The following TULP4 variants were observed in gnomAD, a reference collection of about 807,000 sequenced individuals.
TULP4 encodes TUB like protein 4, also known as tubby-related protein 4.
Under a neutral mutation model 129.0 loss-of-function variants are expected in TULP4, and 16 were observed. The observed-to-expected ratio is 0.12, with a 90% confidence interval of 0.08 to 0.19. The LOEUF is 0.19. Among genes scored for constraint, TULP4 ranks in the 10% least tolerant of loss-of-function variants. The pLI is 1.00. For missense variants in TULP4, 1,842 were observed against 2,059.1 expected (o/e 0.89, Z 2.04); for synonymous variants, 998 against 854.0 (o/e 1.17, Z -2.94).
intron 2 of TULP4, among the ~76,000 whole-genome samples, chr6:158,415,004 T>C (rs1209288056): frequency 6.6e-6 from 1 of 152,252 alleles, no homozygotes. Flanking sequence ...TCCACCACAC[T>C]GTCATGTTCC....
At chr6:158,284,190 G>A (rs1778802155) in intron 1 of TULP4, among the ~76,000 whole-genome samples, 1 of 152,166 alleles carries the variant, frequency 6.6e-6, no homozygotes, top group South Asian at 2.1e-4. Flanking sequence ...TGAAGGCCGG[G>A]GCCTGGGACT....
intron 5 of TULP4, among the ~76,000 whole-genome samples, chr6:158,461,191 C>T (rs140771866): frequency 0.01 from 1,554 of 152,306 alleles, 12 homozygotes; most frequent in Non-Finnish European, 0.014. Context: ...GCGGGCAGAT[C>T]ACCTGAGGTC....
chr6:158,258,240 G>T (rs1018239612), intron 1 of TULP4, among the ~76,000 whole-genome samples: 2 of 152,018 alleles, frequency 1.3e-5, no homozygotes, highest in Admixed American at 6.5e-5. Flanking sequence ...CTGCATGGAT[G>T]GGGCCAGGAG....
At chr6:158,474,403 G>A (rs1335464919) in intron 6 of TULP4, among the ~76,000 whole-genome samples, 1 of 152,208 alleles carries the variant, frequency 6.6e-6, no homozygotes, top group Non-Finnish European at 1.5e-5. Context: ...GACCAGTATA[G>A]TTGGTTTTTG....
chr6:158,402,458 A>G (rs1777875645), intron 1 of TULP4, among the ~76,000 whole-genome samples: 1 of 152,232 alleles, frequency 6.6e-6, no homozygotes, highest in South Asian at 2.1e-4. Flanking sequence ...TTACTGTTAC[A>G]AAATTATTTG....
chr6:158,295,909 T>TG (rs1171908493), intron 1 of TULP4, among the ~76,000 whole-genome samples: 1 of 152,054 alleles, frequency 6.6e-6, no homozygotes, highest in Non-Finnish European at 1.5e-5. Flanking sequence ...AAAAGAAATA[T>TG]GGCCAGCATA....
chr6:158,426,000 T>TA (rs1778481644), intron 2 of TULP4, among the ~76,000 whole-genome samples: 2 of 152,274 alleles, frequency 1.3e-5, no homozygotes, highest in Non-Finnish European at 2.9e-5. Flanking sequence ...CCTTTTTAAA[T>TA]ATGCTTGTTG....
At chr6:158,430,621 G>A (rs762608947) in intron 3 of TULP4, among the ~76,000 whole-genome samples, 5 of 152,076 alleles carry the variant, frequency 3.3e-5, no homozygotes, top group African/African-American at 7.2e-5. Flanking sequence ...GATGGCGGGC[G>A]CCTGTAATGC....
chr6:158,347,982 T>C (rs1780351361), intron 1 of TULP4, among the ~76,000 whole-genome samples: 1 of 152,062 alleles, frequency 6.6e-6, no homozygotes, highest in Admixed American at 6.6e-5. Flanking sequence ...CCTGGGTTTT[T>C]TTTTTCTTGA....
At chr6:158,321,943 C>T (rs1042379823) in intron 1 of TULP4, among the ~76,000 whole-genome samples, 1 of 152,054 alleles carries the variant, frequency 6.6e-6, no homozygotes, top group Non-Finnish European at 1.5e-5. Flanking sequence ...AATGGTCTCC[C>T]TTGCAGTTGA....
At chr6:158,430,100 G>C (rs1273100397) in intron 3 of TULP4, among the ~76,000 whole-genome samples, 1 of 152,100 alleles carries the variant, frequency 6.6e-6, no homozygotes, top group East Asian at 1.9e-4. Context: ...CACCAATATG[G>C]TAACATTAAG....
At chr6:158,336,296 A>G (rs1780031850) in intron 1 of TULP4, among the ~76,000 whole-genome samples, 1 of 152,234 alleles carries the variant, frequency 6.6e-6, no homozygotes, top group South Asian at 2.1e-4. Context: ...TTCAAATTGT[A>G]AAATGTCTAT....
At chr6:158,491,974 T>G (rs151007848) in intron 9 of TULP4, among the ~76,000 whole-genome samples, 127 of 152,276 alleles carry the variant, frequency 8.3e-4, no homozygotes, top group African/African-American at 2.8e-3. Context: ...CTCTCCTGCT[T>G]CAGCCTCCTG....
At chr6:158,404,947 A>T (rs1168662303) in intron 1 of TULP4, among the ~76,000 whole-genome samples, 1 of 152,078 alleles carries the variant, frequency 6.6e-6, no homozygotes, top group Non-Finnish European at 1.5e-5. Flanking sequence ...TTTTCTTTAA[A>T]CTGTTATATA....
At chr6:158,241,526 C>G (rs1330512863) in intron 1 of TULP4, among the ~76,000 whole-genome samples, 3 of 151,996 alleles carry the variant, frequency 2.0e-5, no homozygotes, top group African/African-American at 7.2e-5. Context: ...GCGGATCACT[C>G]GCGGTTAGGG....
At chr6:158,358,016 G>A (rs1043546634) in intron 1 of TULP4, among the ~76,000 whole-genome samples, 4 of 152,182 alleles carry the variant, frequency 2.6e-5, no homozygotes, top group Non-Finnish European at 4.4e-5. Context: ...CTGACACATA[G>A]GAGTGCTCTG....
At chr6:158,349,831 C>T (rs543762284) in intron 1 of TULP4, among the ~76,000 whole-genome samples, 4 of 130,702 alleles carry the variant, frequency 3.1e-5, no homozygotes, top group Admixed American at 7.6e-5. Flanking sequence ...CCAGATGGGG[C>T]GGCCGGGCAG....
At chr6:158,323,025 A>C (rs1779672511) in intron 1 of TULP4, among the ~76,000 whole-genome samples, 1 of 152,194 alleles carries the variant, frequency 6.6e-6, no homozygotes, top group African/African-American at 2.4e-5. Context: ...TTCTGGCTTT[A>C]GAGAGGCATT....
chr6:158,463,863 T>G (rs1484912760), intron 6 of TULP4, among the ~76,000 whole-genome samples: 1 of 152,134 alleles, frequency 6.6e-6, no homozygotes, highest in Non-Finnish European at 1.5e-5. Context: ...ATTTATCGTC[T>G]TAACCATTTT....
Sources: gnomAD v4.1 joint callset for allele counts (sites outside exome capture counted in the v4.1 genomes callset) on GRCh38, gnomAD v4.1.1 for gene constraint, MANE v1.5 for transcripts, NCBI Gene and HGNC (gene_info 2026-07-23, HGNC 2026-07-21) for gene names.